Variants in INO80D observed in about 807,000 individuals in gnomAD.
INO80D encodes INO80 complex subunit D.
Under a neutral mutation model 87.6 loss-of-function variants are expected in INO80D, and 21 were observed. The ratio of observed to expected loss-of-function variants is 0.24; its 90% CI spans 0.17 to 0.35. The LOEUF (loss-of-function observed/expected upper bound fraction) is 0.35. INO80D is among the 10% of genes least tolerant of loss of function. The pLI is 1.00. For synonymous variants in INO80D, 440 were observed against 491.0 expected (o/e 0.90, Z 1.37); for missense variants, 982 against 1,280.7 (o/e 0.77, Z 3.56).
intron 4 of INO80D, among the ~76,000 whole-genome samples, chr2:206,052,010 G>A (rs899889383): frequency 5.3e-5 from 8 of 152,078 alleles, no homozygotes; most frequent in African/African-American, 1.9e-4. Flanking sequence ...GAATATTCTT[G>A]TTTGTTAAAG....
In INO80D at chr2:205,995,636, T is replaced by C. The variant is rs1359945434; in HGVS notation, c.*8732A>G. On this transcript the variant is annotated 3_prime_UTR_variant, in exon 11 of 11. Coordinates refer to ENST00000403263, the MANE Select transcript of INO80D (RefSeq NM_017759.5). ...ACTCCCACAATATATACTAGAGACA[T>C]ACTGTGTGAGTACATACGAAAGCAT... 1 of 152,152 alleles carries C rather than the reference T, an allele frequency of 6.6e-6. No homozygotes were observed. The highest frequency in any genetic ancestry group is 2.4e-5 in the African/African-American group (1 of 41,448). 9.4% of individuals were successfully genotyped at this position (152,152 alleles called of 1,614,324 possible).
chr2:206,039,700 C>A (rs369949877), intron 5 of INO80D, among the ~76,000 whole-genome samples: 3 of 150,488 alleles, frequency 2.0e-5, no homozygotes, highest in Non-Finnish European at 4.4e-5. Context: ...ATCCCAGCTA[C>A]TCGGGAGGCT....
chr2:206,003,963 T>TTGTG lies in INO80D; in HGVS notation c.*404_*405insCACA. On this transcript the variant is annotated 3_prime_UTR_variant, in exon 11 of 11. Transcript: ENST00000403263. ...GTCTCTTATACAGGAACTCAATTAATAAGATCATTCTATCTAGAACCACCT... is the reference window on the plus strand; with the variant it reads ...GTCTCTTATACAGGAACTCAATTAATTGTGAAGATCATTCTATCTAGAACCACCT... The TTGTG allele has an allele frequency of 5.1e-6, 1 of 195,144 alleles. No individual in the cohort carries two copies. The highest frequency in any genetic ancestry group is 1.1e-5 in the Non-Finnish European group (1 of 92,838). 12.1% of individuals were successfully genotyped at this position (195,144 alleles called of 1,614,324 possible).
chr2:206,015,152 G>A (rs938193272), intron 8 of INO80D, among the ~76,000 whole-genome samples: 1 of 152,194 alleles, frequency 6.6e-6, no homozygotes, highest in Admixed American at 6.5e-5. Flanking sequence ...TAGAATAAAA[G>A]TTTGGAAAAT....
chr2:206,042,612 C>T (rs1346823513), intron 5 of INO80D, among the ~76,000 whole-genome samples: 1 of 146,612 alleles, frequency 6.8e-6, no homozygotes. Context: ...ACTCGGGGGG[C>T]GGAGGTTGCA....
chr2:206,011,697 A>T (rs1183126750), intron 8 of INO80D, among the ~76,000 whole-genome samples: 1 of 152,046 alleles, frequency 6.6e-6, no homozygotes, highest in Non-Finnish European at 1.5e-5. Context: ...CTGAATCTTA[A>T]CCCCTTCCAT....
chr2:206,030,058 G>A (rs1021529255), intron 5 of INO80D, among the ~76,000 whole-genome samples: 1 of 151,934 alleles, frequency 6.6e-6, no homozygotes, highest in Admixed American at 6.6e-5. Context: ...CTGACAGCAG[G>A]TCTACACTTG....
chr2:206,072,775 C>T (rs1299096946), intron 1 of INO80D, among the ~76,000 whole-genome samples: 1 of 151,536 alleles, frequency 6.6e-6, no homozygotes, highest in Non-Finnish European at 1.5e-5. Flanking sequence ...ATAAAGCATA[C>T]TTATTATAGA....
intron 5 of INO80D, among the ~76,000 whole-genome samples, chr2:206,037,652 C>G (rs1688926576): frequency 6.6e-6 from 1 of 152,092 alleles, no homozygotes; most frequent in South Asian, 2.1e-4. Flanking sequence ...CTATGGAAAA[C>G]AGTATAAAGA....
Position 206,030,773 on chromosome 2 carries a change from C to T in INO80D, c.1074-2438G>A, listed in dbSNP as rs1307573760. 1.1e-4 allele frequency among the ~76,000 whole-genome samples: 16 copies of T among 152,250 alleles called. No individual in the cohort carries two copies. The South Asian group carries it at 1.5e-3, about 14-fold the overall frequency. On this transcript the variant is annotated intron_variant, in intron 5 of 10. Transcript: ENST00000403263. ...TTTTTAAATTTTGCACTCCTAACTG[C>T]TAAGCTTTGTAACTGTTAAGAAAAT...
Position 206,039,060 on chromosome 2 carries a change from G to A in INO80D, c.1073+7444C>T, listed in dbSNP as rs147095826. On this transcript the variant is annotated intron_variant, in intron 5 of 10. Transcript: ENST00000403263. ...ATAGACTCATACTTACAAAGACCCC[G>A]AAGGTGGGACTTACGACATACAGAA... Among the ~76,000 whole-genome samples, 80 of 152,250 alleles carry A rather than the reference G, an allele frequency of 5.3e-4. 1 individual carries two copies. In the East Asian group the frequency reaches 8.3e-3, roughly 16 times the overall value.
intron 1 of INO80D, among the ~76,000 whole-genome samples, chr2:206,077,478 A>G (rs1399491510): frequency 1.3e-5 from 2 of 152,218 alleles, no homozygotes; most frequent in Non-Finnish European, 1.5e-5. Flanking sequence ...TAATCATTAA[A>G]AATCTAATAT....
intron 3 of INO80D, among the ~76,000 whole-genome samples, chr2:206,057,785 A>G (rs896312590): frequency 3.3e-5 from 5 of 151,970 alleles, no homozygotes; most frequent in Non-Finnish European, 7.4e-5. Flanking sequence ...GTAGCCAAAT[A>G]CCACCTGTAC....
intron 3 of INO80D, among the ~76,000 whole-genome samples, chr2:206,059,778 G>C (rs1229184015): frequency 6.6e-6 from 1 of 152,122 alleles, no homozygotes; most frequent in East Asian, 1.9e-4. Flanking sequence ...TGCTTCCCTA[G>C]CAGGTTTGAG....
At chr2:206,023,791 G>A (rs1186528043) in intron 6 of INO80D, among the ~76,000 whole-genome samples, 4 of 151,942 alleles carry the variant, frequency 2.6e-5, no homozygotes, top group African/African-American at 4.8e-5. Context: ...AATCATGGGT[G>A]ACACAACTGA....
chr2:206,078,227 G>A (rs1176695201), intron 1 of INO80D, among the ~76,000 whole-genome samples: 2 of 152,180 alleles, frequency 1.3e-5, no homozygotes, highest in East Asian at 3.9e-4. Flanking sequence ...AGACCAGCCT[G>A]GCCAACATGG....
chr2:206,046,583 C>G lies in INO80D; in HGVS notation c.994G>C (p.Glu332Gln). The G allele has an allele frequency of 6.2e-7, 1 of 1,613,888 alleles. No homozygotes were observed. Among genetic ancestry groups the G allele is most frequent in the Non-Finnish European group, 8.5e-7 (1 of 1,179,756 alleles). ...GLDWSEESGEEPEDSEQASPY... is the reference protein window; with the variant it reads ...GLDWSEESGEQPEDSEQASPY... ...GAGGCCTGCTCTGAGTCCTCTGGTTCCTCTCCGCTCTCTTCAGACCAGTCC... is the reference window on the plus strand; with the variant it reads ...GAGGCCTGCTCTGAGTCCTCTGGTTGCTCTCCGCTCTCTTCAGACCAGTCC... The change falls in exon 5 of 11, where the codon GAA (glutamate) becomes CAA (glutamine). Residue 332 changes from glutamate to glutamine, a missense_variant. Transcript: ENST00000403263.
At chr2:206,055,552 G>A (rs1234509282) in intron 4 of INO80D, among the ~76,000 whole-genome samples, 1 of 152,016 alleles carries the variant, frequency 6.6e-6, no homozygotes, top group African/African-American at 2.4e-5. Context: ...AGATGCACAG[G>A]TGTTAAACTC....
In INO80D at chr2:206,004,663, G is replaced by A; in HGVS notation, c.2789C>T (p.Thr930Ile). Residue 930 changes from threonine (T) to isoleucine (I), a missense_variant, in exon 11 of 11, where the codon ACA becomes ATA. Thr to Ile is a moderately conservative substitution (Grantham distance 89). Coordinates refer to ENST00000403263, the MANE Select transcript of INO80D (RefSeq NM_017759.5). The surrounding 1 kb of genome is among the most constrained non-coding windows in gnomAD (Gnocchi z 4.9). ...GGTCACGGTGGCGAAGGCAGGCTGT[G>A]TGGTCTCTGAGTTCGAAGTGGTGGG... ...TPPTTSNSET[T>I]QPAFATVTPS... The A allele has an allele frequency of 6.2e-7, 1 of 1,613,946 alleles. No individual in the cohort carries two copies. Among genetic ancestry groups the A allele is most frequent in the Non-Finnish European group, 8.5e-7 (1 of 1,179,866 alleles).
Sources: allele counts gnomAD v4.1 joint callset (sites outside exome capture counted in the v4.1 genomes callset), GRCh38; gene constraint gnomAD v4.1.1; non-coding constraint Gnocchi (gnomAD v3.1); transcripts MANE v1.5; gene names NCBI Gene and HGNC (gene_info 2026-07-23, HGNC 2026-07-21).